MRGBP: variants seen among roughly 807,000 people sequenced by gnomAD.
MRGBP encodes the protein MRG domain binding protein, also known as MRG/MORF4L-binding protein.
A neutral mutation model predicts 21.5 loss-of-function variants in MRGBP; 5 were observed. The ratio of observed to expected loss-of-function variants is 0.23; its 90% CI spans 0.12 to 0.49. The LOEUF (loss-of-function observed/expected upper bound fraction) is 0.49, where lower values mean the gene tolerates loss of function less well. Ranked by LOEUF, MRGBP falls within the 20% of genes least tolerant of loss-of-function variation. The pLI, the probability that MRGBP is intolerant of heterozygous loss-of-function variation, is 0.98. For missense variants in MRGBP, 227 were observed against 277.4 expected (o/e 0.82, Z 1.29); for synonymous variants, 118 against 104.4 (o/e 1.13, Z -0.79).
Position 62,799,812 on chromosome 20 carries a change from C to T in MRGBP, c.*169C>T, listed in dbSNP as rs772897902. 12 of 701,862 alleles carry T rather than the reference C, an allele frequency of 1.7e-5. No homozygotes were observed. The highest frequency in any genetic ancestry group is 8.2e-5 in the East Asian group (3 of 36,554). The allele number at this position is 701,862 out of a possible 1,614,324, so 43.5% of individuals were successfully genotyped here. A position where few individuals can be genotyped will look rare whatever the true frequency, so the allele number is the denominator to read the frequency against. Reference sequence around the variant, plus strand: ...GTGAACGTGGCCGTCAGCGGGGAAACGTGTGTGTCAGTTGGACCATGTGGG... The same window carrying T: ...GTGAACGTGGCCGTCAGCGGGGAAATGTGTGTGTCAGTTGGACCATGTGGG... On this transcript the variant is annotated 3_prime_UTR_variant, in exon 5 of 5. Transcript: ENST00000370487.
Position 62,801,361 on chromosome 20 carries a change from G to C in MRGBP, c.*1718G>C, listed in dbSNP as rs888621776. ...CCACACACATAGACCAAAGGACTGA[G>C]CCCGCCTGGCATTCCTCCACTCACA... is the stretch of plus-strand genomic sequence containing the variant. On this transcript the variant is annotated 3_prime_UTR_variant, in exon 5 of 5. Transcript: ENST00000370487. 6.6e-6 allele frequency: 1 copy of C among 152,316 alleles called. No homozygotes were observed. The highest frequency in any genetic ancestry group is 2.4e-5 in the African/African-American group (1 of 41,454). The allele number at this position is 152,316 out of a possible 1,614,324, so 9.4% of individuals were successfully genotyped here. A position where few individuals can be genotyped will look rare whatever the true frequency, so the allele number is the denominator to read the frequency against.
Position 62,796,595 on chromosome 20 carries a change from G to T in MRGBP, c.72G>T (p.Pro24=), listed in dbSNP as rs537198581. ...DKGPGEAATS[P]AEETVVWSPE... ...GCCCGGGGGAGGCGGCCACCAGCCC[G>T]GCGGAGGAGACAGTGGTGTGGAGCC... Residue 24 remains proline (P), a synonymous_variant, in exon 1 of 5, where the codon CCG becomes CCT. Transcript: ENST00000370487. 1.6e-6 allele frequency: 2 copies of T among 1,285,074 alleles called. No individual in the cohort carries two copies. The highest frequency in any genetic ancestry group is 2.0e-6 in the Non-Finnish European group (2 of 1,012,210). The allele number at this position is 1,285,074 out of a possible 1,614,324, so 79.6% of individuals were successfully genotyped here.
Position 62,800,356 on chromosome 20 carries a change from G to A in MRGBP, c.*713G>A, listed in dbSNP as rs1251627817. On this transcript the variant is annotated 3_prime_UTR_variant, in exon 5 of 5. Transcript: ENST00000370487. ...ACAAAGTACTGCAGAAGTTAAACCT[G>A]TGTTGTATTTTTTCTGAGATGTTTT... 2.6e-5 allele frequency: 4 copies of A among 152,538 alleles called. No individual in the cohort carries two copies. The highest frequency in any genetic ancestry group is 5.9e-5 in the Non-Finnish European group (4 of 68,050). 9.4% of individuals were successfully genotyped at this position (152,538 alleles called of 1,614,324 possible). A position where few individuals can be genotyped will look rare whatever the true frequency, so the allele number is the denominator to read the frequency against.
chr20:62,796,530 G>A lies in MRGBP; in HGVS notation c.7G>A (p.Glu3Lys). 5 of 1,165,864 alleles carry A rather than the reference G, an allele frequency of 4.3e-6. No homozygotes were observed. Among genetic ancestry groups the A allele is most frequent in the Non-Finnish European group, 5.3e-6 (5 of 944,214 alleles). 72.2% of individuals were successfully genotyped at this position (1,165,864 alleles called of 1,614,324 possible). Residue 3 changes from glutamate to lysine, a missense_variant, in exon 1 of 5, where the codon GAG (glutamate) becomes AAG (lysine). Glu to Lys is a moderately conservative substitution (Grantham distance 56). Transcript: ENST00000370487. ...GCTCGGCCGGGCCGCGGCCATGGGA[G>A]AGGCCGAGGTGGGCGGCGGGGGCGC... MG[E>K]AEVGGGGAAG...
intron 2 of MRGBP, 25 bp from the exon 3 acceptor site, chr20:62,798,562 A>T: frequency 1.2e-6 from 2 of 1,603,406 alleles, no homozygotes; most frequent in Non-Finnish European, 1.7e-6. Flanking sequence ...TTGTTTCTTA[A>T]ACAAAACTCT....
chr20:62,799,300 C>T (rs1259365463), intron 4 of MRGBP, among the ~76,000 whole-genome samples, 156 bp from the exon 5 acceptor site: 1 of 152,170 alleles, frequency 6.6e-6, no homozygotes, highest in Non-Finnish European at 1.5e-5. Flanking sequence ...GGACCAGGCC[C>T]CTCTGTGGGC....
In MRGBP at chr20:62,796,654, TG is replaced by T; in HGVS notation, c.134del (p.Gly45AlafsTer7). 3 of 1,331,672 alleles carry T rather than the reference TG, an allele frequency of 2.3e-6. No homozygotes were observed. Among genetic ancestry groups the T allele is most frequent in the Admixed American group, 3.6e-5 (1 of 27,992 alleles). The allele number at this position is 1,331,672 out of a possible 1,614,324, so 82.5% of individuals were successfully genotyped here. On this transcript the variant is annotated frameshift_variant, in exon 1 of 5. Transcript: ENST00000370487. LOFTEE classifies it high-confidence loss of function. ...GAGGTGTGCCTCTTCCACGCCATGC[TG>T]GGCCACAAGCCCGTCGGTGAGCGCC... ...EVEVCLFHAM[L>X]GHKPVGVNRH...
intron 1 of MRGBP, 70 bp from the exon 2 acceptor site, chr20:62,797,040 G>GC: frequency 6.7e-7 from 1 of 1,498,760 alleles, no homozygotes; most frequent in Non-Finnish European, 9.0e-7. Context: ...AGTCCCCAGG[G>GC]CAGCCCGTCC....
At chr20:62,797,264 TG>T (rs934857388) in intron 2 of MRGBP, 33 bp downstream of exon 2, 22 of 1,522,834 alleles carry the variant, frequency 1.4e-5, no homozygotes, top group Admixed American at 2.1e-5. Flanking sequence ...TGCCGCCCGA[TG>T]GGGGCACGAA....
Position 62,798,995 on chromosome 20 carries a change from G to A in MRGBP, c.373G>A (p.Glu125Lys). The change falls in exon 4 of 5, where the codon GAG (glutamate) becomes AAG (lysine). Residue 125 changes from glutamate (E) to lysine (K), a missense_variant. Around this residue, in one of 2 missense-constraint regions of MRGBP, gnomAD observed 162 missense variants for 227.7 expected, o/e 0.71. Coordinates refer to ENST00000370487, the MANE Select transcript of MRGBP (RefSeq NM_018270.6). ...VREGKVMIEE[E>K]MKEEMKEDVD... ...CACAGGAAAAGTGATGATAGAAGAG[G>A]AGATGAAAGAGGAGATGAAGGAAGA... The A allele has an allele frequency of 1.2e-6, 2 of 1,613,772 alleles. No homozygotes were observed. Among genetic ancestry groups the A allele is most frequent in the Non-Finnish European group, 1.7e-6 (2 of 1,180,004 alleles).
At chr20:62,797,603 TG>T (rs1447619809) in intron 2 of MRGBP, among the ~76,000 whole-genome samples, 2 of 152,146 alleles carry the variant, frequency 1.3e-5, no homozygotes, top group African/African-American at 4.8e-5. Context: ...GCTGAGACCC[TG>T]GGGAGGGAGG....
rs901385253 is a variant in MRGBP, at chr20:62,801,069, C to G, written c.*1426C>G. On this transcript the variant is annotated 3_prime_UTR_variant, in exon 5 of 5. Transcript: ENST00000370487. ...GTCCTCCTCACCATGACGCAGATCA[C>G]AAGGCACCCACTAAAGGGGCAAAGC... 2.0e-5 allele frequency: 3 copies of G among 152,246 alleles called. No homozygotes were observed. Among genetic ancestry groups the G allele is most frequent in the African/African-American group, 7.2e-5 (3 of 41,446 alleles). 9.4% of individuals were successfully genotyped at this position (152,246 alleles called of 1,614,324 possible). A position where few individuals can be genotyped will look rare whatever the true frequency, so the allele number is the denominator to read the frequency against.
intron 2 of MRGBP, 55 bp downstream of exon 2, chr20:62,797,286 G>A (rs547264275): frequency 2.0e-6 from 3 of 1,493,500 alleles, no homozygotes; most frequent in Non-Finnish European, 8.9e-7. Flanking sequence ...CCCGCACACC[G>A]CTCTCTGAGA....
At chr20:62,799,343 G>A (rs1600765299) in intron 4 of MRGBP, 113 bp from the exon 5 acceptor site, 1 of 1,208,786 alleles carries the variant, frequency 8.3e-7, no homozygotes, top group Middle Eastern at 2.2e-4. Context: ...TCAGGAGGAA[G>A]CTTTGGGTTC....
chr20:62,799,760 C>A lies in MRGBP; in HGVS notation c.*117C>A. The A allele has an allele frequency of 1.8e-6, 2 of 1,133,288 alleles. No individual in the cohort carries two copies. Among genetic ancestry groups the A allele is most frequent in the Non-Finnish European group, 2.5e-6 (2 of 814,902 alleles). The allele number at this position is 1,133,288 out of a possible 1,614,324, so 70.2% of individuals were successfully genotyped here. On this transcript the variant is annotated 3_prime_UTR_variant, in exon 5 of 5. Transcript: ENST00000370487. ...GTGATACCATCCCAGTGCCATGAGC[C>A]CACACTGCCCGCCCTCAGGCTCTCA... is the stretch of plus-strand genomic sequence containing the variant.
rs1254305222 is a variant in MRGBP at position 62,799,675 on chromosome 20, G to A, written c.*32G>A. The A allele has an allele frequency of 6.3e-7, 1 of 1,589,640 alleles. No homozygotes were observed. Among genetic ancestry groups the A allele is most frequent in the East Asian group, 2.2e-5 (1 of 44,564 alleles). On this transcript the variant is annotated 3_prime_UTR_variant, in exon 5 of 5. Coordinates refer to ENST00000370487, the MANE Select transcript of MRGBP (RefSeq NM_018270.6). Reference sequence around the variant, plus strand: ...AGCCCTGGTGGCGGCAGAGAAGCGGGCGAGGCACTGTGGTCGCTGAGGGGG... The same window carrying A: ...AGCCCTGGTGGCGGCAGAGAAGCGGACGAGGCACTGTGGTCGCTGAGGGGG...
At position 62,799,831 on chromosome 20, in the gene MRGBP, A is replaced by G. The variant is rs1022114938; in HGVS notation, c.*188A>G. 1.0e-4 allele frequency: 62 copies of G among 619,908 alleles called. No individual in the cohort carries two copies. Among genetic ancestry groups the G allele is most frequent in the Non-Finnish European group, 1.2e-4 (44 of 364,592 alleles). The allele number at this position is 619,908 out of a possible 1,614,324, so 38.4% of individuals were successfully genotyped here. On this transcript the variant is annotated 3_prime_UTR_variant, in exon 5 of 5. Coordinates refer to ENST00000370487, the MANE Select transcript of MRGBP (RefSeq NM_018270.6). Reference sequence around the variant, plus strand: ...GGGAAACGTGTGTGTCAGTTGGACCATGTGGGACCCTGATGGACCTGAAAG... The same window carrying G: ...GGGAAACGTGTGTGTCAGTTGGACCGTGTGGGACCCTGATGGACCTGAAAG...
Position 62,796,571 on chromosome 20 carries a change from C to A in MRGBP, c.48C>A (p.Gly16=). 8.0e-7 allele frequency: 1 copy of A among 1,252,602 alleles called. No homozygotes were observed. The highest frequency in any genetic ancestry group is 1.0e-6 in the Non-Finnish European group (1 of 994,686). The allele number at this position is 1,252,602 out of a possible 1,614,324, so 77.6% of individuals were successfully genotyped here. A position where few individuals can be genotyped will look rare whatever the true frequency, so the allele number is the denominator to read the frequency against. Reference sequence around the variant, plus strand: ...GCGGGGGCGCCGCAGGCGACAAGGGCCCGGGGGAGGCGGCCACCAGCCCGG... The same window carrying A: ...GCGGGGGCGCCGCAGGCGACAAGGGACCGGGGGAGGCGGCCACCAGCCCGG... The part of the protein sequence containing the change: ...VGGGGAAGDK[G]PGEAATSPAE... The change falls in exon 1 of 5, where the codon GGC becomes GGA. Residue 16 remains glycine, a synonymous_variant. Coordinates refer to ENST00000370487, the MANE Select transcript of MRGBP (RefSeq NM_018270.6).
At chr20:62,797,656 C>G (rs1226213757) in intron 2 of MRGBP, among the ~76,000 whole-genome samples, 1 of 152,202 alleles carries the variant, frequency 6.6e-6, no homozygotes, top group African/African-American at 2.4e-5. Flanking sequence ...TTGTCAGCCT[C>G]CTGGGAGGCC....
Sources: gnomAD v4.1 joint callset for allele counts (sites outside exome capture counted in the v4.1 genomes callset) on GRCh38, gnomAD v4.1.1 for gene constraint, gnomAD v4.1.1 regional missense constraint, MANE v1.5 for transcripts, NCBI Gene and HGNC (gene_info 2026-07-23, HGNC 2026-07-21) for gene names.